SPIDR: variants seen among roughly 807,000 people sequenced by gnomAD.
The protein encoded by SPIDR is scaffold protein involved in DNA repair, also known as DNA repair-scaffolding protein.
Under a neutral mutation model 104.6 loss-of-function variants are expected in SPIDR, and 93 were observed. The observed-to-expected ratio is 0.89, with a 90% CI of 0.75 to 1.06. The LOEUF is 1.06. Among genes scored for constraint, SPIDR ranks in the 50% least tolerant of loss-of-function variants. The pLI is 0.00. For synonymous variants in SPIDR, 431 were observed against 416.9 expected, an observed-to-expected ratio of 1.03 and a Z score of -0.41; for missense variants, 1,154 against 1,111.2, an observed-to-expected ratio of 1.04 and a Z score of -0.55.
intron 8 of SPIDR, among the ~76,000 whole-genome samples, chr8:47,538,682 G>C (rs1033110938): frequency 2.0e-5 from 3 of 151,984 alleles, no homozygotes; most frequent in Non-Finnish European, 4.4e-5. Flanking sequence ...CTATAAATTT[G>C]ATATAGCTCT....
intron 5 of SPIDR, among the ~76,000 whole-genome samples, chr8:47,393,576 G>C (rs1424669374): frequency 6.6e-6 from 1 of 151,714 alleles, no homozygotes; most frequent in Non-Finnish European, 1.5e-5. Context: ...TCCACACTTA[G>C]CATTGAACTT....
At chr8:47,355,293 T>A (rs1321550584) in intron 5 of SPIDR, among the ~76,000 whole-genome samples, 21 of 131,820 alleles carry the variant, frequency 1.6e-4, no homozygotes, top group African/African-American at 5.8e-4. Context: ...AAAAAAAAAA[T>A]ACTGCCTTAG....
In SPIDR at chr8:47,591,769, T is replaced by C. The variant is rs562831879; in HGVS notation, c.1098-4042T>C. Among the ~76,000 whole-genome samples the C allele has an allele frequency of 2.0e-4, 30 of 151,898 alleles. No homozygotes were observed. In the South Asian group the frequency reaches 5.2e-3, roughly 26 times the overall value. On this transcript the variant is annotated intron_variant, in intron 8 of 19. Coordinates refer to ENST00000297423, the MANE Select transcript of SPIDR (RefSeq NM_001080394.4). ...GGGAAAGGAACCCATAAAATTAAAC[T>C]ACCTCCCCCCTCAAAAAAAATAAAA...
At chr8:47,404,949 A>G (rs1278383442) in intron 6 of SPIDR, among the ~76,000 whole-genome samples, 2 of 152,230 alleles carry the variant, frequency 1.3e-5, no homozygotes, top group East Asian at 3.8e-4. Flanking sequence ...ACTTGGAACC[A>G]GCCCAAATGT....
chr8:47,367,222 C>G, intron 5 of SPIDR, among the ~76,000 whole-genome samples: 1 of 152,256 alleles, frequency 6.6e-6, no homozygotes, highest in East Asian at 1.9e-4. Context: ...GCAAGGAATG[C>G]AGCAGTATCC....
At chr8:47,601,750 C>A (rs1439746911) in intron 10 of SPIDR, among the ~76,000 whole-genome samples, 1 of 152,132 alleles carries the variant, frequency 6.6e-6, no homozygotes, top group East Asian at 1.9e-4. Flanking sequence ...AAGGCTGACC[C>A]AGGGTCAAGT....
At chr8:47,691,269 CAACAGAGCAAGACTCCGTCTCAA>C (rs1247411289) in intron 11 of SPIDR, among the ~76,000 whole-genome samples, 2 of 113,444 alleles carry the variant, frequency 1.8e-5, no homozygotes, top group Admixed American at 1.2e-4. Flanking sequence ...TCAGCTTGGA[CAACAGAGCAAGACTCCGTCTCAA>C]AAAAAAAAAA....
intron 8 of SPIDR, among the ~76,000 whole-genome samples, chr8:47,449,671 AAATT>A (rs1454079875): frequency 3.3e-5 from 5 of 152,228 alleles, no homozygotes; most frequent in African/African-American, 1.2e-4. Flanking sequence ...CTAGGAAAGA[AAATT>A]AATGCAGTAT....
intron 8 of SPIDR, among the ~76,000 whole-genome samples, chr8:47,463,241 G>C (rs555923319): frequency 1.8e-4 from 28 of 151,538 alleles, no homozygotes; most frequent in Non-Finnish European, 3.5e-4. Flanking sequence ...GGCGCCCGTA[G>C]TTTCAGCTAC....
rs529921400 is a variant in SPIDR, at chr8:47,336,414, C to T, written c.525+42384C>T. Reference sequence around the variant, plus strand: ...CAAAGAAGAAGGCTTTAATTGGGTGCTATGGCTGGGGAGATGGGAGCTCAG... The same window carrying T: ...CAAAGAAGAAGGCTTTAATTGGGTGTTATGGCTGGGGAGATGGGAGCTCAG... On this transcript the variant is annotated intron_variant, in intron 5 of 19. Coordinates refer to ENST00000297423, the MANE Select transcript of SPIDR (RefSeq NM_001080394.4). Among the ~76,000 whole-genome samples, 5 of 152,306 alleles carry T rather than the reference C, an allele frequency of 3.3e-5. No homozygotes were observed. The South Asian group carries it at 1.0e-3, about 32-fold the overall frequency.
At chr8:47,487,964 A>G (rs2077984273) in intron 8 of SPIDR, among the ~76,000 whole-genome samples, 1 of 152,222 alleles carries the variant, frequency 6.6e-6, no homozygotes, top group African/African-American at 2.4e-5. Flanking sequence ...GCAAGAGCGA[A>G]CACATTCAAA....
At chr8:47,494,151 G>A in intron 8 of SPIDR, among the ~76,000 whole-genome samples, 1 of 151,876 alleles carries the variant, frequency 6.6e-6, no homozygotes. Context: ...ACCATGCCTG[G>A]CTAGTTTTTA....
At chr8:47,428,329 C>A (rs1005063257) in intron 7 of SPIDR, among the ~76,000 whole-genome samples, 4 of 152,140 alleles carry the variant, frequency 2.6e-5, no homozygotes, top group Non-Finnish European at 5.9e-5. Context: ...TTCTTTGATG[C>A]GGTATTTTCC....
intron 8 of SPIDR, among the ~76,000 whole-genome samples, chr8:47,529,259 A>T (rs1363491731): frequency 1.3e-5 from 2 of 152,062 alleles, no homozygotes; most frequent in South Asian, 2.1e-4. Context: ...TCTACTAAAA[A>T]TACAAAAAAT....
chr8:47,485,308 G>T (rs1586508112), intron 8 of SPIDR, among the ~76,000 whole-genome samples: 1 of 152,204 alleles, frequency 6.6e-6, no homozygotes, highest in African/African-American at 2.4e-5. Flanking sequence ...GCTGGGGGAG[G>T]GGCGCCTGCC....
At chr8:47,626,968 G>T (rs981561248) in intron 10 of SPIDR, among the ~76,000 whole-genome samples, 19 of 152,174 alleles carry the variant, frequency 1.2e-4, no homozygotes, top group Non-Finnish European at 2.6e-4. Flanking sequence ...ATTCACAATA[G>T]CAAAGACCAG....
intron 5 of SPIDR, among the ~76,000 whole-genome samples, chr8:47,296,283 T>C (rs1404911254): frequency 1.3e-5 from 2 of 152,202 alleles, no homozygotes; most frequent in African/African-American, 4.8e-5. Flanking sequence ...TGCAATCTCA[T>C]ATGTTTTTGC....
At chr8:47,659,002 A>G (rs2073528992) in intron 10 of SPIDR, among the ~76,000 whole-genome samples, 1 of 152,006 alleles carries the variant, frequency 6.6e-6, no homozygotes, top group African/African-American at 2.4e-5. Context: ...TTACACTTAC[A>G]GTCCCAGCAC....
intron 10 of SPIDR, among the ~76,000 whole-genome samples, chr8:47,633,102 G>A (rs917326365): frequency 3.3e-5 from 5 of 152,144 alleles, no homozygotes; most frequent in Non-Finnish European, 5.9e-5. Context: ...TCACTCTAAC[G>A]GAAACTACCA....
Sources: allele counts gnomAD v4.1 joint callset (sites outside exome capture counted in the v4.1 genomes callset), GRCh38; gene constraint gnomAD v4.1.1; transcripts MANE v1.5; gene names NCBI Gene and HGNC (gene_info 2026-07-23, HGNC 2026-07-21).